Variants in MMS19 observed in about 807,000 individuals in gnomAD.
MMS19 encodes MMS19 cytosolic iron-sulfur assembly component, also known as MMS19 nucleotide excision repair protein homolog.
MMS19 carries 77 observed loss-of-function variants against 129.8 expected under a neutral mutation model. The observed-to-expected ratio is 0.59, with a 90% CI of 0.49 to 0.72. The LOEUF is 0.72. MMS19 is among the 30% of genes least tolerant of loss of function. The pLI, the probability that MMS19 is intolerant of heterozygous loss-of-function variation, is 0.00. For synonymous variants in MMS19, 491 were observed against 502.8 expected (o/e 0.98, Z 0.31); for missense variants, 1,168 against 1,266.3 (o/e 0.92, Z 1.18).
intron 1 of MMS19, among the ~76,000 whole-genome samples, chr10:97,497,884 C>G (rs1426554659): frequency 6.6e-6 from 1 of 152,156 alleles, no homozygotes; most frequent in Non-Finnish European, 1.5e-5. Flanking sequence ...CACCTCCACA[C>G]GTCAACCTCC....
Position 97,461,997 on chromosome 10 carries a change from G to GT in MMS19, c.2115+19dup, listed in dbSNP as rs776916190. On this transcript the variant is annotated intron_variant, in intron 21 of 30. Transcript: ENST00000438925. ...CTAAAAAAAAACCAGCTTGAAGGATGTAAGTTCTAAGACTGTTACCTGGAA... is the reference window on the plus strand; with the variant it reads ...CTAAAAAAAAACCAGCTTGAAGGATGTTAAGTTCTAAGACTGTTACCTGGAA... 6.3e-7 allele frequency: 1 copy of GT among 1,575,140 alleles called. No individual in the cohort carries two copies. Among genetic ancestry groups the GT allele is most frequent in the Non-Finnish European group, 8.6e-7 (1 of 1,159,584 alleles).
chr10:97,478,421 A>G, intron 3 of MMS19, 32 bp from the exon 4 acceptor site: 1 of 1,536,774 alleles, frequency 6.5e-7, no homozygotes, highest in South Asian at 1.2e-5. Context: ...ATTAGTTGAC[A>G]TAGGCACGAG....
Position 97,478,022 on chromosome 10 carries a change from G to C in MMS19, c.349-93C>G, listed in dbSNP as rs29001281. 8.7e-4 allele frequency: 684 copies of C among 784,720 alleles called. 2 individuals are homozygous for C. Among genetic ancestry groups the C allele is most frequent in the Non-Finnish European group, 1.2e-3 (593 of 487,408 alleles). 48.6% of individuals were successfully genotyped at this position (784,720 alleles called of 1,614,324 possible). A position where few individuals can be genotyped will look rare whatever the true frequency, so the allele number is the denominator to read the frequency against. On this transcript the variant is annotated intron_variant, in intron 4 of 30. Transcript: ENST00000438925. ...CGACAGGCCTAATTAGCTACTGTAA[G>C]AATCACAGCATCCTGGTTGAGGAAG...
chr10:97,493,540 G>C (rs940049228), intron 1 of MMS19, among the ~76,000 whole-genome samples: 2 of 152,210 alleles, frequency 1.3e-5, no homozygotes, highest in African/African-American at 4.8e-5. Context: ...GGGCAACAGA[G>C]TGGACCCTGC....
At chr10:97,483,196 G>A (rs759530564) in intron 2 of MMS19, among the ~76,000 whole-genome samples, 4 of 152,130 alleles carry the variant, frequency 2.6e-5, no homozygotes, top group Non-Finnish European at 2.9e-5. Flanking sequence ...GGGACCACAG[G>A]CGCATGCCAC....
intron 1 of MMS19, among the ~76,000 whole-genome samples, chr10:97,486,862 C>CACATATATATATATATATATAT (rs1491353044): frequency 1.4e-4 from 12 of 85,076 alleles, no homozygotes; most frequent in African/African-American, 4.9e-4. Context: ...ATTAAAGTGC[C>CACATATATATATATATATATAT]ATATATATAT....
At chr10:97,496,161 A>C (rs2135595458) in intron 1 of MMS19, among the ~76,000 whole-genome samples, 1 of 152,360 alleles carries the variant, frequency 6.6e-6, no homozygotes, top group South Asian at 2.1e-4. Context: ...AATTCAAATT[A>C]AGCAACAGTT....
At chr10:97,473,332 G>A (rs1358632893) in intron 8 of MMS19, among the ~76,000 whole-genome samples, 2 of 151,980 alleles carry the variant, frequency 1.3e-5, no homozygotes, top group Admixed American at 6.6e-5. Context: ...CACTGCGCCC[G>A]GCCTAGAATT....
intron 3 of MMS19, among the ~76,000 whole-genome samples, chr10:97,478,966 C>A (rs1435908432): frequency 4.6e-5 from 7 of 152,046 alleles, no homozygotes; most frequent in Non-Finnish European, 1.0e-4. Context: ...GTGGTGCTTG[C>A]CTATAGGGAG....
upstream of MMS19, chr10:97,498,678 G>A: frequency 6.7e-6 from 3 of 448,322 alleles, no homozygotes; most frequent in East Asian, 9.0e-5. Flanking sequence ...GCTGGGTGGG[G>A]AGAGGGGCGG....
intron 8 of MMS19, among the ~76,000 whole-genome samples, chr10:97,473,041 A>AT (rs371913119): frequency 4.3e-4 from 63 of 144,972 alleles, no homozygotes; most frequent in South Asian, 1.3e-3. Context: ...CTTTTTATTT[A>AT]TTTTTTTTTT....
In MMS19 at chr10:97,459,366, G is replaced by T; in HGVS notation, c.2900C>A (p.Ser967Tyr). The change falls in exon 28 of 31, where the codon TCC becomes TAC. Residue 967 changes from serine to tyrosine, a missense_variant. Coordinates refer to ENST00000438925, the MANE Select transcript of MMS19 (RefSeq NM_022362.5). Reference protein sequence around the residue: ...TKFLNLSSSPSMAVRIAALQC... With the variant: ...TKFLNLSSSPYMAVRIAALQC... ...AGTTGCTGGGGCTCAACGCACCATG[G>T]AAGGGCTAGAGCTGAGGTTCAGAAA... 1 of 1,606,238 alleles carries T rather than the reference G, an allele frequency of 6.2e-7. No homozygotes were observed. The highest frequency in any genetic ancestry group is 8.5e-7 in the Non-Finnish European group (1 of 1,176,288).
Position 97,464,088 on chromosome 10 carries a change from A to C in MMS19, c.1757-75T>G. 3 of 1,366,668 alleles carry C rather than the reference A, an allele frequency of 2.2e-6. 1 individual carries two copies. Among genetic ancestry groups the C allele is most frequent in the South Asian group, 2.6e-5 (2 of 77,942 alleles). 84.7% of individuals were successfully genotyped at this position (1,366,668 alleles called of 1,614,324 possible). A position where few individuals can be genotyped will look rare whatever the true frequency, so the allele number is the denominator to read the frequency against. On this transcript the variant is annotated intron_variant, in intron 18 of 30. Coordinates refer to ENST00000438925, the MANE Select transcript of MMS19 (RefSeq NM_022362.5). ...GGTGTTTCCAATTACACAGCAGATG[A>C]GAGGAACAAAGAAGAGTGACTGAAG...
intron 1 of MMS19, among the ~76,000 whole-genome samples, chr10:97,493,218 A>G (rs2039226233): frequency 1.3e-5 from 2 of 152,082 alleles, no homozygotes; most frequent in South Asian, 4.1e-4. Flanking sequence ...ACTATACTGT[A>G]CAGGCTGGTT....
chr10:97,495,929 G>GCA (rs1395885696), intron 1 of MMS19, among the ~76,000 whole-genome samples: 1 of 152,196 alleles, frequency 6.6e-6, no homozygotes, highest in East Asian at 1.9e-4. Flanking sequence ...TTACAGGCAT[G>GCA]CACCACCATG....
At chr10:97,474,862 A>G (rs2135381592) in intron 8 of MMS19, among the ~76,000 whole-genome samples, 1 of 152,346 alleles carries the variant, frequency 6.6e-6, no homozygotes, top group South Asian at 2.1e-4. Context: ...GGTATGAAAG[A>G]AGTTTAATTA....
In MMS19 at chr10:97,466,653, T is replaced by C. The variant is rs939915741; in HGVS notation, c.1424-68A>G. 3 of 1,577,734 alleles carry C rather than the reference T, an allele frequency of 1.9e-6. No homozygotes were observed. In the South Asian group the frequency reaches 3.3e-5, roughly 17 times the overall value. On this transcript the variant is annotated intron_variant, in intron 15 of 30. Coordinates refer to ENST00000438925, the MANE Select transcript of MMS19 (RefSeq NM_022362.5). ...CAGCCATCACAACCCTTCTAAGCTC[T>C]TATTAGAAATCCCAAATCATCCAGA...
intron 1 of MMS19, among the ~76,000 whole-genome samples, chr10:97,492,615 G>A (rs896118971): frequency 1.3e-5 from 2 of 151,714 alleles, no homozygotes; most frequent in East Asian, 3.9e-4. Flanking sequence ...TTGGGAGGCC[G>A]AGGCAGGTGG....
At chr10:97,460,646 A>G (rs1309283459) in intron 25 of MMS19, 49 bp downstream of exon 25, 16 of 1,484,870 alleles carry the variant, frequency 1.1e-5, no homozygotes, top group Admixed American at 3.9e-5. Context: ...AGGAGCAACC[A>G]GAAAGTTTGT....
Sources: gnomAD v4.1 joint callset for allele counts (sites outside exome capture counted in the v4.1 genomes callset) on GRCh38, gnomAD v4.1.1 for gene constraint, MANE v1.5 for transcripts, NCBI Gene and HGNC (gene_info 2026-07-23, HGNC 2026-07-21) for gene names.